PIEZO2: variants seen among roughly 807,000 people sequenced by gnomAD.
PIEZO2 encodes the protein piezo type mechanosensitive ion channel component 2.
A neutral mutation model predicts 337.3 loss-of-function variants in PIEZO2; 172 were observed. The ratio of observed to expected loss-of-function variants is 0.51; its 90% CI spans 0.45 to 0.58. The LOEUF is 0.58. PIEZO2 is among the 20% of genes least tolerant of loss of function. The pLI is 0.00. For missense variants in PIEZO2, 3,028 were observed against 3,391.3 expected (o/e 0.89, Z 2.66); for synonymous variants, 1,251 against 1,228.5 (o/e 1.02, Z -0.38).
At chr18:11,079,641 C>T (rs1001548050) in intron 1 of PIEZO2, among the ~76,000 whole-genome samples, 1 of 152,184 alleles carries the variant, frequency 6.6e-6, no homozygotes, top group Non-Finnish European at 1.5e-5. Flanking sequence ...TAAATATTTA[C>T]TGAAGGAATA....
chr18:10,709,306 G>A (rs2035720406), intron 39 of PIEZO2: 1 of 152,190 alleles, frequency 6.6e-6, no homozygotes, highest in South Asian at 2.1e-4. Flanking sequence ...TGCTGGGTGA[G>A]GATGCTCATG....
At chr18:10,701,853 AC>A (rs1335883789) in intron 43 of PIEZO2, 135 bp downstream of exon 43, 6 of 566,666 alleles carry the variant, frequency 1.1e-5, no homozygotes, top group Middle Eastern at 4.9e-4. Context: ...TTTAAAAAAA[AC>A]ATATGAGTAG....
intron 3 of PIEZO2, among the ~76,000 whole-genome samples, chr18:10,922,551 C>A (rs536695091): frequency 3.3e-5 from 5 of 152,072 alleles, no homozygotes; most frequent in African/African-American, 1.2e-4. Context: ...AGGACGTTTC[C>A]AGATTCCTTA....
chr18:10,739,603 C>A (rs1176209102), intron 33 of PIEZO2: 19 of 152,130 alleles, frequency 1.2e-4, no homozygotes. Context: ...GCACAGTTTA[C>A]TTGTGACTTG....
intron 8 of PIEZO2, among the ~76,000 whole-genome samples, chr18:10,805,231 G>T (rs1568079141): frequency 6.6e-6 from 1 of 152,192 alleles, no homozygotes; most frequent in African/African-American, 2.4e-5. Context: ...TTCAGAAATA[G>T]TTCCCATCGT....
intron 2 of PIEZO2, among the ~76,000 whole-genome samples, chr18:10,981,171 A>G (rs1359664951): frequency 6.6e-6 from 1 of 152,096 alleles, no homozygotes; most frequent in East Asian, 1.9e-4. Context: ...TTATATATTA[A>G]TAAAACACCT....
At chr18:10,927,660 A>G (rs1376799125) in intron 3 of PIEZO2, among the ~76,000 whole-genome samples, 1 of 152,098 alleles carries the variant, frequency 6.6e-6, no homozygotes, top group Non-Finnish European at 1.5e-5. Context: ...TAAAAAGTCT[A>G]TATATATATA....
At chr18:11,082,169 A>G (rs900204229) in intron 1 of PIEZO2, among the ~76,000 whole-genome samples, 8 of 152,216 alleles carry the variant, frequency 5.3e-5, no homozygotes, top group Non-Finnish European at 7.3e-5. Context: ...CTTTATCAGT[A>G]AGACCTAACA....
At position 11,021,630 on chromosome 18, in the gene PIEZO2, C is replaced by T. The variant is rs1330811848; in HGVS notation, c.161-41970G>A. ...GTGGGGTTCCTGGGGGACTTTGAGT[C>T]TCACGGATCTGGTGATCCAGCACAC... is the stretch of plus-strand genomic sequence containing the variant. On this transcript the variant is annotated intron_variant, in intron 2 of 55. Coordinates refer to ENST00000674853, the MANE Select transcript of PIEZO2 (RefSeq NM_001378183.1). This position sits in a 1 kb window ranked among gnomAD's most constrained non-coding sequence, Gnocchi z 4.7. 6.6e-6 allele frequency among the ~76,000 whole-genome samples: 1 copy of T among 152,218 alleles called. No individual in the cohort carries two copies. The highest frequency in any genetic ancestry group is 1.5e-5 in the Non-Finnish European group (1 of 68,034).
Position 11,111,637 on chromosome 18 carries a change from C to T in PIEZO2, c.64+36888G>A, listed in dbSNP as rs924948125. ...GATCCAGTTCTTCTCCTGCCACCCC[C>T]AACTTCCTCTCTCCTGTGCTCACAT... On this transcript the variant is annotated intron_variant, in intron 1 of 55. Coordinates refer to ENST00000674853, the MANE Select transcript of PIEZO2 (RefSeq NM_001378183.1). This position sits in a 1 kb window ranked among gnomAD's most constrained non-coding sequence, Gnocchi z 6.2. Among the ~76,000 whole-genome samples, 2 of 152,060 alleles carry T rather than the reference C, an allele frequency of 1.3e-5. No individual in the cohort carries two copies. Among genetic ancestry groups the T allele is most frequent in the South Asian group, 4.1e-4 (2 of 4,822 alleles).
In PIEZO2 at chr18:10,726,391, A is replaced by G. The variant is rs2036540761; in HGVS notation, c.5029+5016T>C. 2 of 1,524,564 alleles carry G rather than the reference A, an allele frequency of 1.3e-6. No homozygotes were observed. The highest frequency in any genetic ancestry group is 1.2e-5 in the South Asian group (1 of 81,870). The allele number at this position is 1,524,564 out of a possible 1,614,324, so 94.4% of individuals were successfully genotyped here. On this transcript the variant is annotated intron_variant, in intron 36 of 55. Transcript: ENST00000674853. The surrounding 1 kb of genome is among the most constrained non-coding windows in gnomAD (Gnocchi z 5.9). ...GGCACCCACTACCTGCGGGGCGGTA[A>G]CAACGCGCGCCAGCCGTGGCACAAC...
chr18:11,123,038 G>A (rs147176683), intron 1 of PIEZO2, among the ~76,000 whole-genome samples: 8 of 151,682 alleles, frequency 5.3e-5, no homozygotes, highest in Non-Finnish European at 8.8e-5. Flanking sequence ...TTAATCTGTC[G>A]GAATGAACAT....
At chr18:10,914,973 G>A (rs1302042280) in intron 3 of PIEZO2, among the ~76,000 whole-genome samples, 5 of 150,384 alleles carry the variant, frequency 3.3e-5, no homozygotes, top group East Asian at 1.9e-4. Context: ...GCTCCTTTAC[G>A]AATGAATCCA....
intron 1 of PIEZO2, among the ~76,000 whole-genome samples, chr18:11,090,096 G>C (rs925606556): frequency 1.3e-5 from 2 of 152,162 alleles, no homozygotes; most frequent in Non-Finnish European, 2.9e-5. Context: ...GGATTCTGCC[G>C]GTTTCTGTGC....
chr18:10,767,574 G>A lies in PIEZO2; in HGVS notation c.2946+2574C>T, dbSNP rs1420484056. On this transcript the variant is annotated intron_variant, in intron 21 of 55. Coordinates refer to ENST00000674853, the MANE Select transcript of PIEZO2 (RefSeq NM_001378183.1). The surrounding 1 kb of genome is among the most constrained non-coding windows in gnomAD (Gnocchi z 4.2). ...GTGAGGAGCTAATGACTCGGAGCCC[G>A]ATGCGTGAACCCTGGAGCTTGGGCA... Among the ~76,000 whole-genome samples the A allele has an allele frequency of 2.0e-5, 3 of 152,166 alleles. No individual in the cohort carries two copies. The highest frequency in any genetic ancestry group is 4.4e-5 in the Non-Finnish European group (3 of 68,032).
chr18:10,918,472 T>C (rs2031168801), intron 3 of PIEZO2, among the ~76,000 whole-genome samples: 1 of 152,098 alleles, frequency 6.6e-6, no homozygotes, highest in Admixed American at 6.5e-5. Context: ...TTATCAGTTC[T>C]TTTCATAATG....
At chr18:10,840,671 A>C (rs2041162336) in intron 7 of PIEZO2, among the ~76,000 whole-genome samples, 1 of 152,180 alleles carries the variant, frequency 6.6e-6, no homozygotes, top group South Asian at 2.1e-4. Flanking sequence ...GAAAATATGT[A>C]ATTGGATAAT....
intron 1 of PIEZO2, among the ~76,000 whole-genome samples, chr18:11,147,870 C>T (rs549348934): frequency 1.2e-4 from 19 of 152,366 alleles, no homozygotes; most frequent in East Asian, 1.9e-4. Flanking sequence ...TGCTTTCTAA[C>T]CCTTTAAAAT....
intron 5 of PIEZO2, among the ~76,000 whole-genome samples, chr18:10,858,321 CAAAAAAAAAA>C (rs11361243): frequency 1.6e-3 from 89 of 56,368 alleles, no homozygotes; most frequent in African/African-American, 5.5e-3. Context: ...GACTTCAACC[CAAAAAAAAAA>C]AAAAAAAAAA....
Sources: gnomAD v4.1 joint callset for allele counts (sites outside exome capture counted in the v4.1 genomes callset) on GRCh38, gnomAD v4.1.1 for gene constraint, Gnocchi (gnomAD v3.1) non-coding constraint, MANE v1.5 for transcripts, NCBI Gene and HGNC (gene_info 2026-07-23, HGNC 2026-07-21) for gene names.